Variants in MB21D2 observed in about 807,000 individuals in gnomAD.
MB21D2 encodes Mab-21 domain containing 2.
A neutral mutation model predicts 33.3 loss-of-function variants in MB21D2; 9 were observed. The ratio of observed to expected loss-of-function variants is 0.27; its 90% CI spans 0.16 to 0.47. The LOEUF (loss-of-function observed/expected upper bound fraction) is 0.47, where lower values mean the gene tolerates loss of function less well. MB21D2 is among the 20% of genes least tolerant of loss of function. The pLI, the probability that MB21D2 is intolerant of heterozygous loss-of-function variation, is 0.99. For synonymous variants in MB21D2, 241 were observed against 236.3 expected (o/e 1.02, Z -0.18); for missense variants, 540 against 624.6 (o/e 0.86, Z 1.44).
chr3:192,829,948 G>C lies in MB21D2; in HGVS notation c.212-30298C>G, dbSNP rs141925576. ...TTGCTATGTTGCTCAGGCTAGTCTT[G>C]AACTCTTGGGTTCAAGGGGTCTTCC... On this transcript the variant is annotated intron_variant, in intron 1 of 1. Transcript: ENST00000392452. Among the ~76,000 whole-genome samples the C allele has an allele frequency of 2.6e-3, 390 of 152,230 alleles. 4 individuals carry two copies. Among genetic ancestry groups the C allele is most frequent in the African/African-American group, 9.0e-3 (375 of 41,548 alleles).
rs1560223600 is a variant in MB21D2, at chr3:192,798,763, G to A, written c.1099C>T (p.His367Tyr). The part of the protein sequence containing the change: ...FLLGLIDDLQ[H>Y]CLVNKMCPNY... The stretch of plus-strand genomic sequence containing the variant: ...GGGCACATCTTGTTGACCAGACAGT[G>A]TTGCAGGTCATCGATGAGGCCCAGC... Residue 367 changes from histidine to tyrosine, a missense_variant, in exon 2 of 2, where the codon CAC becomes TAC. Coordinates refer to ENST00000392452, the MANE Select transcript of MB21D2 (RefSeq NM_178496.4). The surrounding 1 kb of genome is among the most constrained non-coding windows in gnomAD (Gnocchi z 4.8). 6.2e-7 allele frequency: 1 copy of A among 1,613,358 alleles called. No individual in the cohort carries two copies. Among genetic ancestry groups the A allele is most frequent in the Non-Finnish European group, 8.5e-7 (1 of 1,180,016 alleles).
intron 1 of MB21D2, among the ~76,000 whole-genome samples, chr3:192,821,581 T>C (rs1712061015): frequency 6.6e-6 from 1 of 152,228 alleles, no homozygotes; most frequent in African/African-American, 2.4e-5. Context: ...TCTTGCCTAA[T>C]TCTACCAATT....
intron 1 of MB21D2, among the ~76,000 whole-genome samples, chr3:192,884,451 C>CGA: frequency 6.6e-6 from 1 of 151,774 alleles, no homozygotes; most frequent in Non-Finnish European, 1.5e-5. Context: ...ACTGCAAGCT[C>CGA]CGCCTCCCGG....
At chr3:192,804,507 T>C (rs1711622633) in intron 1 of MB21D2, among the ~76,000 whole-genome samples, 1 of 152,094 alleles carries the variant, frequency 6.6e-6, no homozygotes, top group South Asian at 2.1e-4. Context: ...AAGTAAAATT[T>C]TTATGTCTTA....
chr3:192,842,021 C>A (rs149220604), intron 1 of MB21D2, among the ~76,000 whole-genome samples: 1 of 152,118 alleles, frequency 6.6e-6, no homozygotes, highest in Admixed American at 6.5e-5. Context: ...TTTATACAGG[C>A]AATGGAGCAC....
intron 1 of MB21D2, among the ~76,000 whole-genome samples, chr3:192,880,703 C>G (rs1431266966): frequency 6.6e-6 from 1 of 152,088 alleles, no homozygotes; most frequent in Non-Finnish European, 1.5e-5. Context: ...AGCAAGCCCT[C>G]CCCCAGAGGG....
chr3:192,909,329 T>C (rs989473215), intron 1 of MB21D2, among the ~76,000 whole-genome samples: 3 of 152,134 alleles, frequency 2.0e-5, no homozygotes, highest in African/African-American at 7.2e-5. Flanking sequence ...GAGTACCCTA[T>C]GTGATTATTA....
intron 1 of MB21D2, among the ~76,000 whole-genome samples, chr3:192,822,651 CT>C (rs1360469441): frequency 6.6e-5 from 10 of 152,200 alleles, no homozygotes; most frequent in Admixed American, 2.6e-4. Flanking sequence ...TCACTGTATC[CT>C]TTACGGCTTT....
At chr3:192,845,476 T>C (rs1380348579) in intron 1 of MB21D2, among the ~76,000 whole-genome samples, 3 of 152,228 alleles carry the variant, frequency 2.0e-5, no homozygotes, top group African/African-American at 7.2e-5. Context: ...AGCATCCTCA[T>C]CTATGCTCCT....
intron 1 of MB21D2, among the ~76,000 whole-genome samples, chr3:192,856,231 G>C (rs949861083): frequency 6.6e-6 from 1 of 152,150 alleles, no homozygotes; most frequent in Non-Finnish European, 1.5e-5. Context: ...GTTTGAGGCA[G>C]TAACTTACAG....
intron 1 of MB21D2, among the ~76,000 whole-genome samples, chr3:192,907,083 T>A (rs1461513822): frequency 6.6e-6 from 1 of 152,210 alleles, no homozygotes; most frequent in Non-Finnish European, 1.5e-5. Context: ...AGTGAATTCA[T>A]GAAAAGGCAC....
intron 1 of MB21D2, among the ~76,000 whole-genome samples, chr3:192,818,034 G>A (rs1033212583): frequency 1.3e-5 from 2 of 150,664 alleles, no homozygotes; most frequent in African/African-American, 4.9e-5. Context: ...TCTCTTCAGT[G>A]TGCCCTCCCT....
intron 1 of MB21D2, among the ~76,000 whole-genome samples, chr3:192,836,667 G>A (rs967230835): frequency 6.6e-6 from 1 of 152,152 alleles, no homozygotes. Context: ...TAGACTTCCA[G>A]CCTCCAGAAC....
At chr3:192,914,661 T>C (rs1331799165) in intron 1 of MB21D2, among the ~76,000 whole-genome samples, 1 of 151,922 alleles carries the variant, frequency 6.6e-6, no homozygotes. Flanking sequence ...AAGACCAAGG[T>C]ACAGAGGAAT....
intron 1 of MB21D2, among the ~76,000 whole-genome samples, chr3:192,838,826 T>C (rs1712507898): frequency 6.6e-6 from 1 of 152,204 alleles, no homozygotes; most frequent in Non-Finnish European, 1.5e-5. Context: ...TGATTTTGAC[T>C]CTGCCCTCAT....
intron 1 of MB21D2, among the ~76,000 whole-genome samples, chr3:192,833,139 T>C (rs970579333): frequency 5.3e-5 from 8 of 152,130 alleles, no homozygotes; most frequent in African/African-American, 1.9e-4. Context: ...TAAACAACTG[T>C]AACACAATTT....
chr3:192,802,395 G>A (rs530458620), intron 1 of MB21D2, among the ~76,000 whole-genome samples: 5 of 152,150 alleles, frequency 3.3e-5, no homozygotes, highest in South Asian at 2.1e-4. Context: ...GCTGCGTCCT[G>A]AGAAACCCAA....
chr3:192,915,758 G>C (rs1012770502), intron 1 of MB21D2, among the ~76,000 whole-genome samples: 1 of 152,076 alleles, frequency 6.6e-6, no homozygotes, highest in Non-Finnish European at 1.5e-5. Context: ...ATCAGCTTTG[G>C]AGTTAAGCAC....
chr3:192,907,252 C>T (rs1401111899), intron 1 of MB21D2, among the ~76,000 whole-genome samples: 2 of 152,118 alleles, frequency 1.3e-5, no homozygotes, highest in African/African-American at 4.8e-5. Flanking sequence ...TGGGCAAGGC[C>T]TAAAAATCAG....
Sources: allele counts gnomAD v4.1 joint callset (sites outside exome capture counted in the v4.1 genomes callset), GRCh38; gene constraint gnomAD v4.1.1; non-coding constraint Gnocchi (gnomAD v3.1); transcripts MANE v1.5; gene names NCBI Gene and HGNC (gene_info 2026-07-23, HGNC 2026-07-21).